The following SNX10 variants were observed in gnomAD, a reference collection of about 807,000 sequenced individuals.
The protein encoded by SNX10 is sorting nexin 10, also known as sorting nexin-10.
In SNX10, 25 loss-of-function variants were observed where a neutral mutation model predicts 28.5. That is an observed-to-expected ratio of 0.88 (90% CI 0.64 to 1.22). The LOEUF (loss-of-function observed/expected upper bound fraction) is 1.22, where lower values mean the gene tolerates loss of function less well. Ranked by LOEUF, SNX10 falls within the 50% of genes most tolerant of loss-of-function variation. The probability of loss-of-function intolerance (pLI) is 0.00; values close to 1 mark genes in which losing one functional copy is unlikely to be tolerated. For synonymous variants in SNX10, 62 were observed against 81.4 expected, an observed-to-expected ratio of 0.76 and a Z score of 1.28; for missense variants, 223 against 242.6, an observed-to-expected ratio of 0.92 and a Z score of 0.54.
At chr7:26,351,659 G>GTT (rs796713404) in intron 2 of SNX10, among the ~76,000 whole-genome samples, 9 of 44,926 alleles carry the variant, frequency 2.0e-4, no homozygotes, top group Non-Finnish European at 3.9e-4. Context: ...TTTTTTTTTT[G>GTT]TTTTTTTTTT....
chr7:26,361,165 T>C, intron 3 of SNX10, 104 bp downstream of exon 3: 5 of 1,089,786 alleles, frequency 4.6e-6, no homozygotes, highest in Non-Finnish European at 6.3e-6. Context: ...TTCAAATAAC[T>C]GAATTTGAAT....
At chr7:26,300,197 C>T (rs182394161) in intron 1 of SNX10, among the ~76,000 whole-genome samples, 165 of 151,996 alleles carry the variant, frequency 1.1e-3, no homozygotes, top group African/African-American at 3.4e-3. Flanking sequence ...GGCAACAGAG[C>T]GAGACTCTGT....
intron 5 of SNX10, among the ~76,000 whole-genome samples, chr7:26,368,075 G>C (rs1052775812): frequency 6.6e-6 from 1 of 152,154 alleles, no homozygotes. Flanking sequence ...TTGGAAAATT[G>C]TTTCTTTGAC....
chr7:26,349,016 A>G (rs1788495250), intron 2 of SNX10, among the ~76,000 whole-genome samples: 1 of 152,272 alleles, frequency 6.6e-6, no homozygotes, highest in Non-Finnish European at 1.5e-5. Flanking sequence ...AGCACCCTGT[A>G]GTCAATGCCA....
At chr7:26,292,566 A>G (rs886986617) in intron 1 of SNX10, among the ~76,000 whole-genome samples, 4 of 152,172 alleles carry the variant, frequency 2.6e-5, no homozygotes, top group Non-Finnish European at 4.4e-5. Context: ...GAGAAGGCCC[A>G]GGGGAAAATC....
intron 1 of SNX10, among the ~76,000 whole-genome samples, chr7:26,344,183 T>TTC (rs1415224693): frequency 6.0e-4 from 89 of 148,882 alleles, no homozygotes; most frequent in Non-Finnish European, 6.0e-5. Flanking sequence ...GAATTTTTTT[T>TTC]TTTTTTTTTT....
chr7:26,335,944 C>T (rs1787922037), intron 1 of SNX10, among the ~76,000 whole-genome samples: 3 of 151,296 alleles, frequency 2.0e-5, no homozygotes, highest in Admixed American at 2.0e-4. Context: ...GGGGTTTCAC[C>T]GTGGTCTCGA....
chr7:26,295,221 T>A (rs1786064075), intron 1 of SNX10, among the ~76,000 whole-genome samples: 1 of 152,138 alleles, frequency 6.6e-6, no homozygotes, highest in Admixed American at 6.6e-5. Context: ...ATGTCATTTT[T>A]ACTTTTTTTT....
rs756077705 is a variant in SNX10 at position 26,372,044 on chromosome 7, G to A, written c.524+11G>A. 7.1e-6 allele frequency: 11 copies of A among 1,550,852 alleles called. No individual in the cohort carries two copies. The highest frequency in any genetic ancestry group is 2.3e-5 in the East Asian group (1 of 44,430). On this transcript the variant is annotated intron_variant, in intron 6 of 6. Transcript: ENST00000338523. ...TTATGATTCAGAAAGGTATTTCCTT[G>A]CATTTTGATTTAATGTATATGTATT...
chr7:26,372,055 T>C (rs748846515), intron 6 of SNX10, 22 bp downstream of exon 6: 2 of 1,462,510 alleles, frequency 1.4e-6, no homozygotes, highest in East Asian at 4.6e-5. Context: ...CATTTTGATT[T>C]AATGTATATG....
chr7:26,315,161 GA>G (rs775903530), intron 1 of SNX10, among the ~76,000 whole-genome samples: 1 of 152,138 alleles, frequency 6.6e-6, no homozygotes, highest in African/African-American at 2.4e-5. Flanking sequence ...AGTAAATAAT[GA>G]ATTTGTATGT....
At chr7:26,344,622 C>G (rs779421152) in intron 1 of SNX10, among the ~76,000 whole-genome samples, 6 of 152,164 alleles carry the variant, frequency 3.9e-5, no homozygotes, top group Non-Finnish European at 8.8e-5. Context: ...CCTTTCCTAT[C>G]AGTTCCACAT....
intron 1 of SNX10, among the ~76,000 whole-genome samples, chr7:26,338,409 G>T (rs1205623330): frequency 1.3e-5 from 2 of 151,974 alleles, no homozygotes; most frequent in Admixed American, 6.6e-5. Flanking sequence ...CGCAGACCCC[G>T]CTGTGTGGGA....
chr7:26,345,506 G>A (rs571075227), intron 1 of SNX10, among the ~76,000 whole-genome samples: 8 of 152,266 alleles, frequency 5.3e-5, no homozygotes, highest in African/African-American at 1.7e-4. Flanking sequence ...CCCTTCCAGA[G>A]GCCCTGTGGG....
chr7:26,329,028 TC>T (rs1231337147), intron 1 of SNX10, among the ~76,000 whole-genome samples: 2 of 152,180 alleles, frequency 1.3e-5, no homozygotes, highest in Admixed American at 6.5e-5. Flanking sequence ...CAAACAGGTC[TC>T]CCTGCTTCTG....
At chr7:26,309,003 A>G (rs1418536697) in intron 1 of SNX10, among the ~76,000 whole-genome samples, 1 of 152,192 alleles carries the variant, frequency 6.6e-6, no homozygotes, top group Non-Finnish European at 1.5e-5. Flanking sequence ...GAGTAAGAGA[A>G]TTAAAAAAAA....
chr7:26,343,739 C>T (rs1273217363), intron 1 of SNX10, among the ~76,000 whole-genome samples: 2 of 152,148 alleles, frequency 1.3e-5, no homozygotes, highest in South Asian at 2.1e-4. Flanking sequence ...TGGAACCCAC[C>T]GGCTAACTTG....
intron 1 of SNX10, among the ~76,000 whole-genome samples, chr7:26,295,824 C>T (rs992931471): frequency 9.2e-5 from 14 of 152,230 alleles, no homozygotes; most frequent in South Asian, 4.1e-4. Flanking sequence ...ATCTACAACT[C>T]GGAGAGATGT....
chr7:26,323,716 C>G (rs1462664333), intron 1 of SNX10, among the ~76,000 whole-genome samples: 1 of 152,142 alleles, frequency 6.6e-6, no homozygotes, highest in African/African-American at 2.4e-5. Context: ...GAGAATGGAT[C>G]GTGTGGGGCA....
Sources: allele counts gnomAD v4.1 joint callset (sites outside exome capture counted in the v4.1 genomes callset), GRCh38; gene constraint gnomAD v4.1.1; transcripts MANE v1.5; gene names NCBI Gene and HGNC (gene_info 2026-07-23, HGNC 2026-07-21).